ELAVL2: variants seen among roughly 807,000 people sequenced by gnomAD.
ELAVL2 encodes the protein ELAV-like protein 2.
A neutral mutation model predicts 34.6 loss-of-function variants in ELAVL2; 4 were observed. That is an observed-to-expected ratio of 0.12 (90% CI 0.06 to 0.26). The LOEUF (loss-of-function observed/expected upper bound fraction) is 0.26, where lower values mean the gene tolerates loss of function less well. Among genes scored for constraint, ELAVL2 ranks in the 10% least tolerant of loss-of-function variants. The pLI, the probability that ELAVL2 is intolerant of heterozygous loss-of-function variation, is 1.00. For missense variants in ELAVL2, 432 were observed against 442.8 expected (o/e 0.98, Z 0.22); for synonymous variants, 193 against 154.8 (o/e 1.25, Z -1.83).
At chr9:23,804,519 A>G (rs577644512) in intron 1 of ELAVL2, among the ~76,000 whole-genome samples, 3 of 152,176 alleles carry the variant, frequency 2.0e-5, no homozygotes, top group African/African-American at 7.2e-5. Flanking sequence ...GATTAATTTA[A>G]CCAATCCCCT....
chr9:23,767,728 A>C (rs1011599591), intron 1 of ELAVL2, among the ~76,000 whole-genome samples: 2 of 152,152 alleles, frequency 1.3e-5, no homozygotes, highest in African/African-American at 4.8e-5. Context: ...AGCAGAGATC[A>C]CACCACTTCA....
intron 5 of ELAVL2, among the ~76,000 whole-genome samples, chr9:23,696,857 G>A (rs1053439589): frequency 6.6e-6 from 1 of 152,048 alleles, no homozygotes; most frequent in Non-Finnish European, 1.5e-5. Flanking sequence ...AGGGAGGGGT[G>A]TGGATGATAA....
chr9:23,706,346 G>C (rs1245329345), intron 3 of ELAVL2, among the ~76,000 whole-genome samples: 1 of 152,194 alleles, frequency 6.6e-6, no homozygotes, highest in African/African-American at 2.4e-5. Flanking sequence ...GTGAGTGCCT[G>C]ACATGTGATA....
intron 1 of ELAVL2, among the ~76,000 whole-genome samples, chr9:23,807,030 A>G (rs1264525022): frequency 6.6e-6 from 1 of 152,182 alleles, no homozygotes; most frequent in Non-Finnish European, 1.5e-5. Flanking sequence ...ATATCCACCT[A>G]CAAAAAAATG....
At chr9:23,718,780 C>T (rs536926422) in intron 3 of ELAVL2, among the ~76,000 whole-genome samples, 1 of 152,270 alleles carries the variant, frequency 6.6e-6, no homozygotes, top group Admixed American at 6.5e-5. Context: ...AGATATTTCT[C>T]TCACAACATG....
chr9:23,730,423 C>T (rs1166787517), intron 3 of ELAVL2, among the ~76,000 whole-genome samples: 1 of 152,124 alleles, frequency 6.6e-6, no homozygotes, highest in Non-Finnish European at 1.5e-5. Context: ...ACAACTCAAG[C>T]ACCACATCTA....
chr9:23,690,607 C>A lies in ELAVL2; in HGVS notation c.*1950G>T, dbSNP rs1322030301. 2 of 152,384 alleles carry A rather than the reference C, an allele frequency of 1.3e-5. No homozygotes were observed. The highest frequency in any genetic ancestry group is 2.4e-5 in the African/African-American group (1 of 41,370). The allele number at this position is 152,384 out of a possible 1,614,324, so 9.4% of individuals were successfully genotyped here. On this transcript the variant is annotated 3_prime_UTR_variant, in exon 7 of 7. Transcript: ENST00000397312. ...CGCGCCTCACAGTATATGTACTGTA[C>A]TATACTGAAAAATTTTATAACTACA...
chr9:23,727,195 A>C (rs1267171276), intron 3 of ELAVL2, among the ~76,000 whole-genome samples: 4 of 152,116 alleles, frequency 2.6e-5, no homozygotes, highest in Non-Finnish European at 5.9e-5. Flanking sequence ...TTCACCAGCA[A>C]GGTATGCCTC....
At chr9:23,729,794 A>C (rs1277531357) in intron 3 of ELAVL2, among the ~76,000 whole-genome samples, 2 of 152,008 alleles carry the variant, frequency 1.3e-5, no homozygotes, top group East Asian at 1.9e-4. Flanking sequence ...TGTCAAAACC[A>C]CTCAGGGCTA....
intron 2 of ELAVL2, 38 bp from the exon 3 acceptor site, chr9:23,731,163 C>A: frequency 6.4e-7 from 1 of 1,573,642 alleles, no homozygotes; most frequent in Non-Finnish European, 8.7e-7. Context: ...TATATTAGTT[C>A]TATACTGTTG....
chr9:23,728,192 T>C (rs1303378958), intron 3 of ELAVL2, among the ~76,000 whole-genome samples: 1 of 152,026 alleles, frequency 6.6e-6, no homozygotes, highest in Non-Finnish European at 1.5e-5. Flanking sequence ...GGTCCCCCTG[T>C]AATTCCAAAA....
At chr9:23,735,865 G>A (rs575414899) in intron 2 of ELAVL2, among the ~76,000 whole-genome samples, 1 of 152,152 alleles carries the variant, frequency 6.6e-6, no homozygotes, top group Admixed American at 6.5e-5. Context: ...AGACTACTGA[G>A]AGCAGGGTTC....
chr9:23,826,532 G>A (rs1267331307), upstream of ELAVL2, among the ~76,000 whole-genome samples: 1 of 152,220 alleles, frequency 6.6e-6, no homozygotes, highest in East Asian at 1.9e-4. Flanking sequence ...GTTGTGCGGG[G>A]AGGTACACTC....
At chr9:23,850,489 G>T in the ELAVL2 span, among the ~76,000 whole-genome samples, 3 of 152,056 alleles carry the variant, frequency 2.0e-5, no homozygotes, top group Non-Finnish European at 4.4e-5. Flanking sequence ...TCTCGTTCCT[G>T]CCTCTTTCGA....
chr9:23,718,641 AG>A (rs1372325121), intron 3 of ELAVL2, among the ~76,000 whole-genome samples: 1 of 152,220 alleles, frequency 6.6e-6, no homozygotes, highest in African/African-American at 2.4e-5. Flanking sequence ...ACAGAGCCAA[AG>A]GAAGTTTTAC....
intron 3 of ELAVL2, among the ~76,000 whole-genome samples, chr9:23,710,381 C>A (rs2133622852): frequency 6.6e-6 from 1 of 152,294 alleles, no homozygotes; most frequent in African/African-American, 2.4e-5. Context: ...TATCAGAAGT[C>A]CCTCTAAATG....
chr9:23,764,281 C>A (rs2055728885), intron 1 of ELAVL2, among the ~76,000 whole-genome samples: 1 of 152,128 alleles, frequency 6.6e-6, no homozygotes, highest in Non-Finnish European at 1.5e-5. Flanking sequence ...ATTTGAAATA[C>A]AAAGTGTTCA....
At chr9:23,746,012 G>A (rs887410344) in intron 2 of ELAVL2, among the ~76,000 whole-genome samples, 4 of 152,176 alleles carry the variant, frequency 2.6e-5, no homozygotes, top group African/African-American at 9.7e-5. Context: ...GGGGGAGGAA[G>A]TCACAAGAGA....
intron 6 of ELAVL2, among the ~76,000 whole-genome samples, 175 bp downstream of exon 6, chr9:23,693,273 G>A (rs1383972914): frequency 6.6e-6 from 1 of 152,162 alleles, no homozygotes; most frequent in Non-Finnish European, 1.5e-5. Flanking sequence ...GTGGCATCCG[G>A]TGGTATAAAA....
Sources: gnomAD v4.1 joint callset for allele counts (sites outside exome capture counted in the v4.1 genomes callset) on GRCh38, gnomAD v4.1.1 for gene constraint, MANE v1.5 for transcripts, NCBI Gene and HGNC (gene_info 2026-07-23, HGNC 2026-07-21) for gene names.